TRPC4: variants seen among roughly 807,000 people sequenced by gnomAD.
TRPC4 encodes the protein transient receptor potential cation channel subfamily C member 4.
In TRPC4, 49 loss-of-function variants were observed where a neutral mutation model predicts 99.4. That is an observed-to-expected ratio of 0.49 (90% confidence interval 0.39 to 0.63). TRPC4 has a LOEUF of 0.63. TRPC4 is among the 20% of genes least tolerant of loss of function. TRPC4 has a pLI of 0.00. For missense variants in TRPC4, 898 were observed against 1,152.9 expected (o/e 0.78, Z 3.20); for synonymous variants, 454 against 425.9 (o/e 1.07, Z -0.81).
At chr13:37,857,078 C>G (rs1959180195) in intron 1 of TRPC4, among the ~76,000 whole-genome samples, 1 of 151,364 alleles carries the variant, frequency 6.6e-6, no homozygotes, top group Non-Finnish European at 1.5e-5. Context: ...ATTCAATAAA[C>G]TTGCAAGATA....
intron 1 of TRPC4, among the ~76,000 whole-genome samples, chr13:37,836,605 A>T (rs567002974): frequency 5.9e-5 from 9 of 152,264 alleles, no homozygotes; most frequent in African/African-American, 2.2e-4. Flanking sequence ...CTTGAGAGAG[A>T]TGATTTAGGG....
chr13:37,772,687 A>G (rs1334283839), intron 2 of TRPC4, among the ~76,000 whole-genome samples: 1 of 151,764 alleles, frequency 6.6e-6, no homozygotes, highest in Non-Finnish European at 1.5e-5. Context: ...TTTATATCAT[A>G]TCACGTCATA....
intron 1 of TRPC4, among the ~76,000 whole-genome samples, chr13:37,801,008 G>GT (rs1957386783): frequency 6.6e-6 from 1 of 152,004 alleles, no homozygotes; most frequent in African/African-American, 2.4e-5. Context: ...CTAGACAATT[G>GT]TAAGGCATTA....
chr13:37,802,129 T>C (rs537931209), intron 1 of TRPC4, among the ~76,000 whole-genome samples: 20 of 152,132 alleles, frequency 1.3e-4, no homozygotes, highest in Non-Finnish European at 2.8e-4. Flanking sequence ...TTTAAAATGA[T>C]TTCAAACTTA....
intron 1 of TRPC4, among the ~76,000 whole-genome samples, chr13:37,853,218 A>G (rs1959102283): frequency 6.6e-6 from 1 of 152,232 alleles, no homozygotes; most frequent in African/African-American, 2.4e-5. Context: ...AAGTGCCTGC[A>G]TAACCATACC....
chr13:37,672,752 T>C (rs1358809577), intron 5 of TRPC4, among the ~76,000 whole-genome samples: 1 of 152,210 alleles, frequency 6.6e-6, no homozygotes, highest in Non-Finnish European at 1.5e-5. Flanking sequence ...TCTCCTTTGG[T>C]TAAAAGAGTA....
chr13:37,637,252 T>C lies in TRPC4; in HGVS notation c.2585A>G (p.Asn862Ser), dbSNP rs768211571. The C allele has an allele frequency of 7.4e-6, 12 of 1,613,916 alleles. No homozygotes were observed. Among genetic ancestry groups the C allele is most frequent in the Admixed American group, 1.7e-5 (1 of 59,946 alleles). The change falls in exon 11 of 11, where the codon AAC becomes AGC. Residue 862 changes from asparagine to serine, a missense_variant. Physicochemically the swap from Asn to Ser is conservative, Grantham distance 46. Coordinates refer to ENST00000379705, the MANE Select transcript of TRPC4 (RefSeq NM_016179.4). ...TTCTTCTGAAACAGAGAAGATTTGGTTTGCATTTTGCTCAGCAGCATTTTG... is the reference window on the plus strand; with the variant it reads ...TTCTTCTGAAACAGAGAAGATTTGGCTTGCATTTTGCTCAGCAGCATTTTG... ...SKQNAAEQNA[N>S]QIFSVSEEVA...
At chr13:37,717,084 A>G (rs1449159463) in intron 3 of TRPC4, among the ~76,000 whole-genome samples, 1 of 152,152 alleles carries the variant, frequency 6.6e-6, no homozygotes, top group Non-Finnish European at 1.5e-5. Flanking sequence ...GAAGATAGTA[A>G]CTTATTTCCA....
intron 1 of TRPC4, among the ~76,000 whole-genome samples, chr13:37,828,598 A>G (rs1225136756): frequency 6.6e-6 from 1 of 152,252 alleles, no homozygotes; most frequent in Non-Finnish European, 1.5e-5. Context: ...CCCAATAATG[A>G]TAGATTGGAT....
chr13:37,793,931 G>C (rs1375835949), intron 1 of TRPC4, among the ~76,000 whole-genome samples: 1 of 152,072 alleles, frequency 6.6e-6, no homozygotes, highest in Non-Finnish European at 1.5e-5. Context: ...ACACAATTCT[G>C]CTATTAATTG....
In TRPC4 at chr13:37,758,676, G is replaced by A. The variant is rs746170344; in HGVS notation, c.379-12221C>T. 6.6e-5 allele frequency among the ~76,000 whole-genome samples: 10 copies of A among 151,666 alleles called. 1 individual carries two copies. The South Asian group carries it at 8.3e-4, about 13-fold the overall frequency. On this transcript the variant is annotated intron_variant, in intron 2 of 10. Coordinates refer to ENST00000379705, the MANE Select transcript of TRPC4 (RefSeq NM_016179.4). ...TAGAAGTATTAATAAAGCTTAATTC[G>A]ACATGTGTATGCAGTACAAAAATCT...
At chr13:37,742,583 A>G (rs1366365319) in intron 3 of TRPC4, among the ~76,000 whole-genome samples, 1 of 152,190 alleles carries the variant, frequency 6.6e-6, no homozygotes, top group Non-Finnish European at 1.5e-5. Flanking sequence ...TTTGCTTCAT[A>G]GAATGCTCCT....
intron 3 of TRPC4, among the ~76,000 whole-genome samples, chr13:37,719,984 G>GTTC (rs1954813406): frequency 6.6e-6 from 1 of 151,944 alleles, no homozygotes; most frequent in Non-Finnish European, 1.5e-5. Context: ...AGTCAGAAGT[G>GTTC]TTCTTAAAAG....
intron 6 of TRPC4, among the ~76,000 whole-genome samples, chr13:37,659,312 C>T (rs1237616192): frequency 6.6e-6 from 1 of 152,122 alleles, no homozygotes; most frequent in Non-Finnish European, 1.5e-5. Flanking sequence ...CCCTCGCTTC[C>T]TTCCTCTTTC....
chr13:37,768,880 G>A (rs866159431), intron 2 of TRPC4, among the ~76,000 whole-genome samples: 2 of 151,218 alleles, frequency 1.3e-5, no homozygotes, highest in South Asian at 2.1e-4. Context: ...TTTTGGATCA[G>A]GTATACAGTG....
intron 3 of TRPC4, among the ~76,000 whole-genome samples, chr13:37,718,211 G>A (rs1047942420): frequency 1.3e-5 from 2 of 152,006 alleles, no homozygotes; most frequent in African/African-American, 4.8e-5. Flanking sequence ...ACTGCAGACA[G>A]TCTAGGTAAA....
At chr13:37,832,975 C>G (rs1002869581) in intron 1 of TRPC4, among the ~76,000 whole-genome samples, 1 of 152,068 alleles carries the variant, frequency 6.6e-6, no homozygotes, top group African/African-American at 2.4e-5. Context: ...TCAGCAGTAT[C>G]GAGTCCTGCT....
At chr13:37,832,249 TA>T (rs1320432935) in intron 1 of TRPC4, among the ~76,000 whole-genome samples, 1 of 152,078 alleles carries the variant, frequency 6.6e-6, no homozygotes, top group Non-Finnish European at 1.5e-5. Flanking sequence ...ATTAGATCAC[TA>T]AAAAATACTC....
At chr13:37,666,008 C>T (rs955894042) in intron 5 of TRPC4, among the ~76,000 whole-genome samples, 3 of 152,044 alleles carry the variant, frequency 2.0e-5, no homozygotes, top group Middle Eastern at 3.2e-3. Flanking sequence ...AGGCTTTAGG[C>T]AAAACATTGC....
Sources: allele counts gnomAD v4.1 joint callset (sites outside exome capture counted in the v4.1 genomes callset), GRCh38; gene constraint gnomAD v4.1.1; transcripts MANE v1.5; gene names NCBI Gene and HGNC (gene_info 2026-07-23, HGNC 2026-07-21).